Variants in GALNT13 observed in about 807,000 individuals in gnomAD.
GALNT13 encodes the protein UDP-GalNAc:polypeptide N-acetylgalactosaminyltransferase 13.
A neutral mutation model predicts 64.2 loss-of-function variants in GALNT13; 28 were observed. The ratio of observed to expected loss-of-function variants is 0.44; its 90% CI spans 0.32 to 0.60. The LOEUF (loss-of-function observed/expected upper bound fraction) is 0.60, where lower values mean the gene tolerates loss of function less well. GALNT13 is among the 20% of genes least tolerant of loss of function. The pLI, the probability that GALNT13 is intolerant of heterozygous loss-of-function variation, is 0.05. For missense variants in GALNT13, 577 were observed against 669.8 expected (o/e 0.86, Z 1.53); for synonymous variants, 214 against 224.6 (o/e 0.95, Z 0.42).
intron 9 of GALNT13, among the ~76,000 whole-genome samples, chr2:154,374,620 A>C (rs995426665): frequency 2.0e-5 from 3 of 152,222 alleles, no homozygotes; most frequent in Admixed American, 2.0e-4. Context: ...ATACCAGCAG[A>C]AGTTGTCATT....
chr2:154,157,845 G>A (rs889213541), intron 4 of GALNT13, among the ~76,000 whole-genome samples: 5 of 152,074 alleles, frequency 3.3e-5, no homozygotes, highest in African/African-American at 1.2e-4. Flanking sequence ...AATTTGACAT[G>A]GTTGATTATG....
At chr2:153,950,890 C>G (rs1692127516) in intron 3 of GALNT13, among the ~76,000 whole-genome samples, 1 of 151,934 alleles carries the variant, frequency 6.6e-6, no homozygotes, top group Non-Finnish European at 1.5e-5. Flanking sequence ...ATCCATGTAA[C>G]AAACTTGCAC....
the GALNT13 span, among the ~76,000 whole-genome samples, chr2:153,113,693 A>G: frequency 6.6e-6 from 1 of 152,080 alleles, no homozygotes; most frequent in African/African-American, 2.4e-5. Flanking sequence ...ACATACTAAG[A>G]AATGTGTTTA....
chr2:153,138,442 T>A, the GALNT13 span, among the ~76,000 whole-genome samples: 1 of 152,084 alleles, frequency 6.6e-6, no homozygotes, highest in Non-Finnish European at 1.5e-5. Flanking sequence ...AGTAATATTG[T>A]CAGATGATAT....
chr2:153,078,318 C>CTTTTTTTTTTTTTTT, the GALNT13 span, among the ~76,000 whole-genome samples: 1 of 134,016 alleles, frequency 7.5e-6, no homozygotes, highest in African/African-American at 2.8e-5. Flanking sequence ...CCTTTTCATT[C>CTTTTTTTTTTTTTTT]TTTTTTTTTT....
At chr2:154,313,558 G>T (rs13029418) in intron 9 of GALNT13, among the ~76,000 whole-genome samples, 1 of 151,448 alleles carries the variant, frequency 6.6e-6, no homozygotes, top group South Asian at 2.1e-4. Context: ...GGGTTCAAGC[G>T]ATTCTCCTGC....
At chr2:153,835,321 T>C in the GALNT13 span, among the ~76,000 whole-genome samples, 4 of 152,058 alleles carry the variant, frequency 2.6e-5, no homozygotes, top group South Asian at 8.3e-4. Flanking sequence ...GCAAGATAGA[T>C]AGAATTGCAA....
In GALNT13 at chr2:154,250,357, A is replaced by G. The variant is rs190110652; in HGVS notation, c.857+4375A>G. ...ACAATGTAAATTTGATATATCATCA[A>G]TATTTTTCTATGCCATTATTTTTCC... is the stretch of plus-strand genomic sequence containing the variant. On this transcript the variant is annotated intron_variant, in intron 7 of 12. Coordinates refer to ENST00000392825, the MANE Select transcript of GALNT13 (RefSeq NM_052917.4). 2.0e-4 allele frequency among the ~76,000 whole-genome samples: 30 copies of G among 152,116 alleles called. No homozygotes were observed. The East Asian group carries it at 3.5e-3, about 18-fold the overall frequency.
the GALNT13 span, among the ~76,000 whole-genome samples, chr2:153,540,904 T>G: frequency 6.6e-6 from 1 of 152,236 alleles, no homozygotes; most frequent in African/African-American, 2.4e-5. Flanking sequence ...CAGAAGGGAC[T>G]TGCCTTGTCT....
At chr2:153,624,838 G>C in the GALNT13 span, among the ~76,000 whole-genome samples, 1 of 145,550 alleles carries the variant, frequency 6.9e-6, no homozygotes, top group Admixed American at 7.0e-5. Flanking sequence ...TTTTTATAGA[G>C]TGGCAAAACA....
chr2:153,985,638 T>A (rs1694751472), intron 3 of GALNT13, among the ~76,000 whole-genome samples: 1 of 151,952 alleles, frequency 6.6e-6, no homozygotes, highest in South Asian at 2.1e-4. Flanking sequence ...TATGACAGTT[T>A]TAGTGGACTC....
At chr2:153,525,443 G>T in the GALNT13 span, among the ~76,000 whole-genome samples, 1 of 152,190 alleles carries the variant, frequency 6.6e-6, no homozygotes, top group African/African-American at 2.4e-5. Flanking sequence ...GGGGTCCCCA[G>T]TTCTTGGGCC....
At chr2:153,427,467 GAAAAATTAATA>G in the GALNT13 span, among the ~76,000 whole-genome samples, 4 of 151,932 alleles carry the variant, frequency 2.6e-5, no homozygotes, top group Admixed American at 2.6e-4. Context: ...GAAGGAAGGG[GAAAAATTAATA>G]AAGATTTAGC....
At chr2:153,445,485 C>G in the GALNT13 span, among the ~76,000 whole-genome samples, 17 of 152,230 alleles carry the variant, frequency 1.1e-4, no homozygotes, top group Non-Finnish European at 1.6e-4. Context: ...TCAGGTGATC[C>G]TCCTGCCTCA....
chr2:154,393,905 CG>C (rs1347846597), intron 9 of GALNT13, among the ~76,000 whole-genome samples: 1 of 150,056 alleles, frequency 6.7e-6, no homozygotes, highest in Non-Finnish European at 1.5e-5. Flanking sequence ...GGTGAAACCC[CG>C]TCTCTACTAA....
the GALNT13 span, among the ~76,000 whole-genome samples, chr2:153,796,450 G>C: frequency 2.8e-4 from 43 of 152,128 alleles, no homozygotes; most frequent in African/African-American, 1.0e-3. Flanking sequence ...AGATGACTTG[G>C]TGAAAATGAT....
upstream of GALNT13, among the ~76,000 whole-genome samples, chr2:153,869,256 TCATA>T (rs1381330125): frequency 2.0e-5 from 3 of 152,164 alleles, no homozygotes; most frequent in African/African-American, 7.2e-5. Context: ...TAAATAAAAG[TCATA>T]CAGTTTAGAT....
intron 3 of GALNT13, among the ~76,000 whole-genome samples, chr2:154,125,391 A>G (rs1682201126): frequency 6.6e-6 from 1 of 152,180 alleles, no homozygotes; most frequent in South Asian, 2.1e-4. Flanking sequence ...AAGAATCACA[A>G]ATAGAGGCAG....
At chr2:153,366,912 G>C in the GALNT13 span, among the ~76,000 whole-genome samples, 1 of 151,902 alleles carries the variant, frequency 6.6e-6, no homozygotes, top group East Asian at 1.9e-4. Flanking sequence ...TGTAAGTCAG[G>C]AAGCAGGAAC....
Sources: allele counts gnomAD v4.1 joint callset (sites outside exome capture counted in the v4.1 genomes callset), GRCh38; gene constraint gnomAD v4.1.1; transcripts MANE v1.5; gene names NCBI Gene and HGNC (gene_info 2026-07-23, HGNC 2026-07-21).